Variants in NXPE2 observed in about 807,000 individuals in gnomAD.
NXPE2 encodes NXPE family member 2.
Under a neutral mutation model 34.4 loss-of-function variants are expected in NXPE2, and 34 were observed. That is an observed-to-expected ratio of 0.99 (90% CI 0.75 to 1.31). The LOEUF (loss-of-function observed/expected upper bound fraction) is 1.31. NXPE2 is among the 40% of genes most tolerant of loss of function. The pLI, the probability that NXPE2 is intolerant of heterozygous loss-of-function variation, is 0.00. For synonymous variants in NXPE2, 235 were observed against 231.3 expected, an observed-to-expected ratio of 1.02 and a Z score of -0.15; for missense variants, 649 against 672.5, an observed-to-expected ratio of 0.97 and a Z score of 0.39.
the NXPE2 span, among the ~76,000 whole-genome samples, chr11:114,577,971 A>G: frequency 0.014 from 2,183 of 152,270 alleles, 51 homozygotes; most frequent in African/African-American, 0.05. Context: ...CTATCCATTC[A>G]CCTCAAGGAT....
chr11:114,553,613 A>G, the NXPE2 span: 3 of 593,632 alleles, frequency 5.1e-6, no homozygotes, highest in African/African-American at 2.0e-5. Flanking sequence ...TGTCTAAGCC[A>G]TAAGTAACTG....
the NXPE2 span, among the ~76,000 whole-genome samples, chr11:114,632,195 T>C: frequency 2.1e-5 from 3 of 141,878 alleles, no homozygotes; most frequent in South Asian, 2.1e-4. Context: ...TAAATGATCA[T>C]ATATACATAT....
the NXPE2 span, chr11:114,522,756 G>A: frequency 1.4e-6 from 1 of 716,846 alleles, no homozygotes; most frequent in Non-Finnish European, 2.3e-6. Context: ...AAATGTAAAG[G>A]TTCAAATCCA....
the NXPE2 span, among the ~76,000 whole-genome samples, chr11:114,803,478 A>C: frequency 2.6e-5 from 4 of 152,186 alleles, no homozygotes; most frequent in Non-Finnish European, 5.9e-5. Flanking sequence ...AGACCAAGGC[A>C]CTGGTGGTAT....
chr11:114,805,196 T>G, the NXPE2 span, among the ~76,000 whole-genome samples: 2 of 151,692 alleles, frequency 1.3e-5, no homozygotes, highest in South Asian at 4.2e-4. Flanking sequence ...AAGGAGTTTT[T>G]TTTTTTTTTA....
chr11:114,505,463 A>C, the NXPE2 span, among the ~76,000 whole-genome samples: 1 of 152,018 alleles, frequency 6.6e-6, no homozygotes, highest in Admixed American at 6.5e-5. Context: ...AAAATGTTAA[A>C]GGCAGCCAGA....
chr11:114,468,209 A>G, the NXPE2 span, among the ~76,000 whole-genome samples: 1 of 152,130 alleles, frequency 6.6e-6, no homozygotes, highest in African/African-American at 2.4e-5. Context: ...GCTGCATTCA[A>G]CACCATTCTG....
At chr11:114,710,708 C>T (rs946263769), downstream of NXPE2, among the ~76,000 whole-genome samples, 1 of 152,018 alleles carries the variant, frequency 6.6e-6, no homozygotes, top group Non-Finnish European at 1.5e-5. Context: ...CTCAAACTCT[C>T]CCAAAGAATA....
chr11:114,703,222 G>T (rs1951398975), intron 3 of NXPE2, among the ~76,000 whole-genome samples: 1 of 152,202 alleles, frequency 6.6e-6, no homozygotes, highest in Admixed American at 6.5e-5. Flanking sequence ...ATACCAGTTA[G>T]GGAGCTTTTT....
downstream of NXPE2, chr11:114,707,468 C>G (rs1951497767): frequency 2.6e-6 from 1 of 379,896 alleles, no homozygotes; most frequent in Non-Finnish European, 5.3e-6. Context: ...GATCTCAGCT[C>G]ATTGCAACCT....
At chr11:114,729,755 A>G in the NXPE2 span, among the ~76,000 whole-genome samples, 1 of 151,840 alleles carries the variant, frequency 6.6e-6, no homozygotes, top group East Asian at 1.9e-4. Context: ...GAGGTTTTAT[A>G]TGTATTTGCT....
the NXPE2 span, among the ~76,000 whole-genome samples, chr11:114,746,267 G>C: frequency 6.6e-6 from 1 of 152,126 alleles, no homozygotes; most frequent in African/African-American, 2.4e-5. Context: ...AGGGTAACTA[G>C]TTATGGTAAT....
the NXPE2 span, among the ~76,000 whole-genome samples, chr11:114,526,900 CA>C: frequency 3.5e-4 from 54 of 152,282 alleles, no homozygotes; most frequent in African/African-American, 1.2e-3. Context: ...TTAAATCCAG[CA>C]ACACTACCCA....
the NXPE2 span, chr11:114,529,838 G>A: frequency 4.7e-4 from 113 of 240,416 alleles, no homozygotes; most frequent in Non-Finnish European, 7.5e-4. Context: ...ATGGATCAAC[G>A]CAAAGATATT....
chr11:114,798,742 A>G, the NXPE2 span, among the ~76,000 whole-genome samples: 1 of 152,046 alleles, frequency 6.6e-6, no homozygotes, highest in Non-Finnish European at 1.5e-5. Flanking sequence ...TATCTCTTTC[A>G]TGGCTCTCCA....
chr11:114,601,923 A>ATTATATATAATAT, the NXPE2 span, among the ~76,000 whole-genome samples: 1 of 70,362 alleles, frequency 1.4e-5, no homozygotes, highest in Non-Finnish European at 2.5e-5. Context: ...ATTATATATA[A>ATTATATATAATAT]TATATTTATA....
the NXPE2 span, among the ~76,000 whole-genome samples, chr11:114,651,526 A>T: frequency 6.6e-6 from 1 of 152,240 alleles, no homozygotes; most frequent in Non-Finnish European, 1.5e-5. Context: ...AGCATGGAAG[A>T]GAATCCGAAA....
chr11:114,530,748 C>G, the NXPE2 span: 8 of 1,614,180 alleles, frequency 5.0e-6, no homozygotes, highest in Admixed American at 1.7e-5. Flanking sequence ...GGTGAAAGGT[C>G]TGGGTGGGAT....
At chr11:114,503,213 A>G in the NXPE2 span, among the ~76,000 whole-genome samples, 1 of 152,102 alleles carries the variant, frequency 6.6e-6, no homozygotes, top group East Asian at 1.9e-4. Context: ...TTGCCCTATT[A>G]ATCAGTCCCA....
Sources: gnomAD v4.1 joint callset for allele counts (sites outside exome capture counted in the v4.1 genomes callset) on GRCh38, gnomAD v4.1.1 for gene constraint, MANE v1.5 for transcripts, NCBI Gene and HGNC (gene_info 2026-07-23, HGNC 2026-07-21) for gene names.